The following MEAF6 variants were observed in gnomAD, a reference collection of about 807,000 sequenced individuals.
The protein encoded by MEAF6 is chromatin modification-related protein MEAF6.
In MEAF6, 15 loss-of-function variants were observed where a neutral mutation model predicts 28.9. That is an observed-to-expected ratio of 0.52 (90% confidence interval 0.35 to 0.80). MEAF6 has a LOEUF of 0.80. MEAF6 is among the 30% of genes least tolerant of loss of function. The pLI, the probability that MEAF6 is intolerant of heterozygous loss-of-function variation, is 0.01. For synonymous variants in MEAF6, 97 were observed against 88.7 expected (o/e 1.09, Z -0.53); for missense variants, 178 against 237.5 (o/e 0.75, Z 1.65).
chr1:37,509,220 G>A (rs2148084934), intron 4 of MEAF6, 58 bp downstream of exon 4: 10 of 1,413,432 alleles, frequency 7.1e-6, no homozygotes, highest in Non-Finnish European at 1.0e-5. Flanking sequence ...TGAATTAAGT[G>A]TAAGGGTGAT....
At chr1:37,514,577 C>A (rs1388390603) in intron 1 of MEAF6, 80 bp downstream of exon 1, 2 of 1,184,936 alleles carry the variant, frequency 1.7e-6, no homozygotes, top group East Asian at 6.7e-5. Flanking sequence ...AACAAACGGC[C>A]TAGCGCGGCC....
At chr1:37,511,985 G>A (rs1399197001) in intron 2 of MEAF6, among the ~76,000 whole-genome samples, 2 of 150,342 alleles carry the variant, frequency 1.3e-5, no homozygotes, top group Non-Finnish European at 3.0e-5. Flanking sequence ...TGGTTAGGTA[G>A]AAGAAATGGC....
intron 5 of MEAF6, among the ~76,000 whole-genome samples, chr1:37,498,983 C>T (rs908378866): frequency 3.9e-5 from 6 of 151,970 alleles, no homozygotes; most frequent in East Asian, 3.9e-4. Flanking sequence ...AACCCCATCT[C>T]TACAAAACAA....
intron 1 of MEAF6, chr1:37,513,849 G>A (rs1642745873): frequency 2.3e-6 from 1 of 443,136 alleles, no homozygotes; most frequent in East Asian, 3.3e-5. Context: ...CAGAACTTGG[G>A]CGATGTCCAC....
intron 1 of MEAF6, chr1:37,513,750 ATG>A: frequency 3.4e-6 from 2 of 581,368 alleles, no homozygotes; most frequent in Non-Finnish European, 6.1e-6. Context: ...TGTATAAAGC[ATG>A]TCTCCAGAAA....
At chr1:37,499,609 G>A (rs186251568) in intron 5 of MEAF6, among the ~76,000 whole-genome samples, 14 of 152,270 alleles carry the variant, frequency 9.2e-5, no homozygotes, top group Middle Eastern at 3.4e-3. Flanking sequence ...TAAGGCCAAG[G>A]GAGATCAGCC....
intron 1 of MEAF6, chr1:37,513,802 A>T (rs1274899770): frequency 1.9e-6 from 1 of 539,158 alleles, no homozygotes; most frequent in Non-Finnish European, 3.3e-6. Context: ...ACTTTAGAGG[A>T]TTCACGGAAA....
intron 4 of MEAF6, among the ~76,000 whole-genome samples, chr1:37,504,141 G>A (rs12143358): frequency 0.053 from 8,015 of 152,156 alleles, 264 homozygotes; most frequent in South Asian, 0.13. Flanking sequence ...GATGGTTTTA[G>A]AAGTGTTTAG....
intron 4 of MEAF6, among the ~76,000 whole-genome samples, chr1:37,505,906 C>T (rs1642465674): frequency 6.6e-6 from 1 of 152,156 alleles, no homozygotes; most frequent in African/African-American, 2.4e-5. Context: ...AAGCTGTACC[C>T]CCATCTCACA....
chr1:37,514,719 G>C lies in MEAF6; in HGVS notation c.28C>G (p.Pro10Ala). 1.3e-6 allele frequency: 2 copies of C among 1,536,516 alleles called. No individual in the cohort carries two copies. The highest frequency in any genetic ancestry group is 1.7e-6 in the Non-Finnish European group (2 of 1,146,896). Residue 10 changes from proline (P) to alanine (A), a missense_variant, in exon 1 of 7, where the codon CCG becomes GCG. Around this residue, in one of 2 missense-constraint regions of MEAF6, gnomAD observed 54 missense variants for 37.0 expected, o/e 1.46. Transcript: ENST00000296214. MAMHNKAAP[P>A]QIPDTRRELA... ...TCCCGCCGGGTGTCCGGGATCTGCG[G>C]CGGCGCCGCCTTGTTGTGCATCGCC... is the stretch of plus-strand genomic sequence containing the variant.
intron 1 of MEAF6, chr1:37,514,387 C>A (rs1016073427): frequency 1.8e-4 from 44 of 238,970 alleles, no homozygotes; most frequent in Admixed American, 1.7e-4. Context: ...CGGGCCCCGG[C>A]ACCGTCCTCC....
Position 37,495,877 on chromosome 1 carries a change from ATACT to A in MEAF6, c.567+4_567+7del. The A allele has an allele frequency of 2.5e-6, 4 of 1,614,000 alleles. No individual in the cohort carries two copies. Among genetic ancestry groups the A allele is most frequent in the Non-Finnish European group, 3.4e-6 (4 of 1,179,908 alleles). ...CAGCCTCTCTGAAGTGGTCCGGCTG[ATACT>A]TACAGCTCGTGGTTTTTTGTTTAAC... On this transcript the variant is annotated splice_donor_5th_base_variant and intron_variant, in intron 6 of 6. Coordinates refer to ENST00000296214, the MANE Select transcript of MEAF6 (RefSeq NM_001270875.3).
chr1:37,498,413 TTA>T (rs1430339255), intron 5 of MEAF6, among the ~76,000 whole-genome samples: 25 of 47,574 alleles, frequency 5.3e-4, no homozygotes, highest in African/African-American at 2.3e-3. Context: ...TTATTTTTTA[TTA>T]TTATTATTAT....
intron 4 of MEAF6, among the ~76,000 whole-genome samples, chr1:37,502,872 A>G (rs1379918759): frequency 6.6e-6 from 1 of 152,076 alleles, no homozygotes; most frequent in Non-Finnish European, 1.5e-5. Flanking sequence ...CACCTGCCTC[A>G]GCCTTCCAAA....
At chr1:37,497,354 T>G (rs1351431522) in intron 5 of MEAF6, among the ~76,000 whole-genome samples, 2 of 151,942 alleles carry the variant, frequency 1.3e-5, no homozygotes, top group African/African-American at 4.8e-5. Context: ...TTCTCCTGCC[T>G]CAGCCTCCCT....
chr1:37,512,974 G>A (rs1219333585), intron 2 of MEAF6, among the ~76,000 whole-genome samples: 2 of 152,032 alleles, frequency 1.3e-5, no homozygotes, highest in Non-Finnish European at 2.9e-5. Context: ...CAGATCACCT[G>A]AGGTCAGGAG....
At position 37,492,236 on chromosome 1, in the gene MEAF6, G is replaced by C. The variant is rs537746680; in HGVS notation, c.*1863C>G. ...GTAGAGATGGGGTTTCACTGTGTTC[G>C]CCAGGATGGTCTCGATCTCCTGACC... On this transcript the variant is annotated 3_prime_UTR_variant, in exon 7 of 7. Transcript: ENST00000296214. 6.6e-6 allele frequency among the ~76,000 whole-genome samples: 1 copy of C among 151,872 alleles called. No individual in the cohort carries two copies. The highest frequency in any genetic ancestry group is 1.5e-5 in the Non-Finnish European group (1 of 67,968).
chr1:37,512,379 G>T (rs1642697170), intron 2 of MEAF6, among the ~76,000 whole-genome samples: 1 of 152,118 alleles, frequency 6.6e-6, no homozygotes, highest in South Asian at 2.1e-4. Context: ...TGTAAATATA[G>T]ATGTGTGCTT....
In MEAF6 at chr1:37,501,801, G is replaced by A; in HGVS notation, c.533+3C>T. ...CTGCGGGGGTGGGATCCCTGCCACT[G>A]ACCTGTGCCGGTTTTTATTCTTTCG... On this transcript the variant is annotated splice_donor_region_variant and intron_variant, in intron 5 of 6. Transcript: ENST00000296214. 1.3e-6 allele frequency: 2 copies of A among 1,576,534 alleles called. No individual in the cohort carries two copies. The highest frequency in any genetic ancestry group is 8.7e-7 in the Non-Finnish European group (1 of 1,153,696).
Sources: allele counts gnomAD v4.1 joint callset (sites outside exome capture counted in the v4.1 genomes callset), GRCh38; gene constraint gnomAD v4.1.1; regional missense constraint gnomAD v4.1.1; transcripts MANE v1.5; gene names NCBI Gene and HGNC (gene_info 2026-07-23, HGNC 2026-07-21).